Variants in COL5A2 observed in about 807,000 individuals in gnomAD.
COL5A2 encodes collagen alpha-2(V) chain.
COL5A2 carries 23 observed loss-of-function variants against 208.2 expected under a neutral mutation model. The observed-to-expected ratio is 0.11, with a 90% CI of 0.08 to 0.16. COL5A2 has a LOEUF of 0.16. COL5A2 is among the 10% of genes least tolerant of loss of function. The pLI is 1.00. For synonymous variants in COL5A2, 625 were observed against 628.5 expected (o/e 0.99, Z 0.08); for missense variants, 1,590 against 1,956.4 (o/e 0.81, Z 3.53).
chr2:189,315,958 T>C, the COL5A2 span, among the ~76,000 whole-genome samples: 1 of 152,086 alleles, frequency 6.6e-6, no homozygotes, highest in Non-Finnish European at 1.5e-5. Flanking sequence ...AAGTCAAAAA[T>C]AATAGATGCT....
the COL5A2 span, among the ~76,000 whole-genome samples, chr2:189,358,288 A>T: frequency 6.6e-6 from 1 of 152,212 alleles, no homozygotes; most frequent in East Asian, 1.9e-4. Flanking sequence ...GCTCCTAGTC[A>T]ACTGAGAACT....
At chr2:189,270,224 C>A in the COL5A2 span, among the ~76,000 whole-genome samples, 1 of 152,050 alleles carries the variant, frequency 6.6e-6, no homozygotes, top group Admixed American at 6.6e-5. Flanking sequence ...TTTTTCGCAT[C>A]TCGATCTCTT....
At chr2:189,315,845 A>C in the COL5A2 span, among the ~76,000 whole-genome samples, 2 of 152,224 alleles carry the variant, frequency 1.3e-5, no homozygotes, top group African/African-American at 4.8e-5. Flanking sequence ...CACAAAAAGA[A>C]TAATTGGAAA....
chr2:189,065,284 C>T (rs1356411064), intron 23 of COL5A2, among the ~76,000 whole-genome samples: 1 of 152,134 alleles, frequency 6.6e-6, no homozygotes, highest in African/African-American at 2.4e-5. Context: ...ATATTCTGCA[C>T]TTTGGGAGGC....
chr2:189,298,426 C>T, the COL5A2 span, among the ~76,000 whole-genome samples: 1 of 152,250 alleles, frequency 6.6e-6, no homozygotes, highest in African/African-American at 2.4e-5. Flanking sequence ...CATCTCCCTC[C>T]CATGGCTATA....
the COL5A2 span, among the ~76,000 whole-genome samples, chr2:189,408,898 A>C: frequency 5.3e-5 from 8 of 152,222 alleles, no homozygotes; most frequent in Non-Finnish European, 1.0e-4. Context: ...GCAGAAACCC[A>C]GCCTGAAAAC....
At chr2:189,398,966 C>T in the COL5A2 span, among the ~76,000 whole-genome samples, 1 of 152,076 alleles carries the variant, frequency 6.6e-6, no homozygotes, top group South Asian at 2.1e-4. Context: ...GACAATAGAA[C>T]CATAGAATAA....
the COL5A2 span, among the ~76,000 whole-genome samples, chr2:189,393,547 G>T: frequency 1.3e-5 from 2 of 152,110 alleles, no homozygotes; most frequent in African/African-American, 2.4e-5. Flanking sequence ...AGTAGTATCT[G>T]TATAACATCT....
intron 1 of COL5A2, among the ~76,000 whole-genome samples, chr2:189,150,255 C>A (rs1415791632): frequency 6.6e-6 from 1 of 152,138 alleles, no homozygotes; most frequent in Non-Finnish European, 1.5e-5. Flanking sequence ...TACAATCGTA[C>A]TTTAGAGATG....
At chr2:189,134,800 C>T (rs1687795696) in intron 1 of COL5A2, among the ~76,000 whole-genome samples, 1 of 152,120 alleles carries the variant, frequency 6.6e-6, no homozygotes, top group Non-Finnish European at 1.5e-5. Context: ...ATCTCTTAAG[C>T]TTGGCTAAAA....
intron 38 of COL5A2, 43 bp from the exon 39 acceptor site, chr2:189,053,061 T>G: frequency 2.1e-6 from 3 of 1,444,446 alleles, no homozygotes; most frequent in Non-Finnish European, 2.9e-6. Flanking sequence ...ATAAGACTTA[T>G]AGACAAATTA....
chr2:189,058,561 T>C (rs757779435), intron 32 of COL5A2, 34 bp from the exon 33 acceptor site: 1 of 1,556,348 alleles, frequency 6.4e-7, no homozygotes, highest in Non-Finnish European at 8.9e-7. Context: ...ATAATCTCAA[T>C]ACTTGATCTA....
chr2:189,350,434 TAC>T, the COL5A2 span, among the ~76,000 whole-genome samples: 1 of 152,146 alleles, frequency 6.6e-6, no homozygotes, highest in Admixed American at 6.6e-5. Context: ...CTAAAAAGAA[TAC>T]AGTCAATAAC....
intron 39 of COL5A2, 31 bp from the exon 40 acceptor site, chr2:189,052,833 G>T (rs1437298831): frequency 6.8e-6 from 11 of 1,613,366 alleles, no homozygotes; most frequent in Non-Finnish European, 9.3e-6. Context: ...GAGCACTATA[G>T]TGAAGCAAAA....
chr2:189,214,729 G>A (rs1199657195), intron 1 of COL5A2, among the ~76,000 whole-genome samples: 1 of 152,188 alleles, frequency 6.6e-6, no homozygotes. Flanking sequence ...TGGCAACCTT[G>A]TAGCTTGACT....
intron 1 of COL5A2, among the ~76,000 whole-genome samples, chr2:189,207,927 G>A (rs1036742159): frequency 3.3e-5 from 5 of 152,102 alleles, no homozygotes; most frequent in Non-Finnish European, 5.9e-5. Flanking sequence ...CATCCGCTTT[G>A]ACTCAACTTT....
chr2:189,085,789 A>C lies in COL5A2; in HGVS notation c.691-17T>G, dbSNP rs1686645237. ...TGCACCACCCTACAGTTGAAAACAA[A>C]GTATATATACAAACCAAGGAAAAAT... is the stretch of plus-strand genomic sequence containing the variant. On this transcript the variant is annotated splice_polypyrimidine_tract_variant and intron_variant, in intron 9 of 53. Transcript: ENST00000374866. 6.2e-7 allele frequency: 1 copy of C among 1,603,840 alleles called. No homozygotes were observed. Among genetic ancestry groups the C allele is most frequent in the African/African-American group, 1.3e-5 (1 of 74,688 alleles).
chr2:189,319,403 T>A, the COL5A2 span, among the ~76,000 whole-genome samples: 2 of 152,218 alleles, frequency 1.3e-5, no homozygotes, highest in African/African-American at 4.8e-5. Flanking sequence ...GGTCAGATAA[T>A]TCCCTTTCAT....
chr2:189,116,746 T>A (rs1275331818), intron 1 of COL5A2, among the ~76,000 whole-genome samples: 4 of 152,204 alleles, frequency 2.6e-5, no homozygotes, highest in African/African-American at 9.7e-5. Context: ...TGCTCCTTTT[T>A]TCCTTGTACC....
Sources: allele counts gnomAD v4.1 joint callset (sites outside exome capture counted in the v4.1 genomes callset), GRCh38; gene constraint gnomAD v4.1.1; transcripts MANE v1.5; gene names NCBI Gene and HGNC (gene_info 2026-07-23, HGNC 2026-07-21).